Variants in BBS4 observed in about 807,000 individuals in gnomAD.
BBS4 encodes the protein Bardet-Biedl syndrome 4.
Under a neutral mutation model 71.4 loss-of-function variants are expected in BBS4, and 58 were observed. That is an observed-to-expected ratio of 0.81 (90% CI 0.66 to 1.01). The LOEUF (loss-of-function observed/expected upper bound fraction) is 1.01, where lower values mean the gene tolerates loss of function less well. BBS4 is among the 50% of genes least tolerant of loss of function. The pLI is 0.00. For missense variants in BBS4, 660 were observed against 607.9 expected (o/e 1.09, Z -0.90); for synonymous variants, 228 against 216.8 (o/e 1.05, Z -0.46).
At position 72,727,980 on chromosome 15, in the gene BBS4, T is replaced by A. The variant is rs779021590; in HGVS notation, c.628T>A (p.Leu210Ile). ...TACAGAGCTTCTTACAACTTTAGGATTACTCTACTTACAGGTAATGAAAAC... is the reference window on the plus strand; with the variant it reads ...TACAGAGCTTCTTACAACTTTAGGAATACTCTACTTACAGGTAATGAAAAC... The part of the protein sequence containing the change: ...ENTELLTTLG[L>I]LYLQLGIYQK... Residue 210 changes from leucine to isoleucine, a missense_variant, in exon 9 of 16, where the codon TTA becomes ATA. Coordinates refer to ENST00000268057, the MANE Select transcript of BBS4 (RefSeq NM_033028.5). 4 of 1,611,682 alleles carry A rather than the reference T, an allele frequency of 2.5e-6. No homozygotes were observed. Among genetic ancestry groups the A allele is most frequent in the Non-Finnish European group, 3.4e-6 (4 of 1,177,912 alleles).
At chr15:72,723,315 C>T (rs1351627858) in intron 7 of BBS4, among the ~76,000 whole-genome samples, 1 of 151,904 alleles carries the variant, frequency 6.6e-6, no homozygotes, top group Non-Finnish European at 1.5e-5. Context: ...AGTTATTTTC[C>T]ATGATGAGAA....
Position 72,738,160 on chromosome 15 carries a change from A to C in BBS4, c.*573A>C, listed in dbSNP as rs1333322676. The C allele has an allele frequency of 2.2e-6, 1 of 450,842 alleles. No homozygotes were observed. The highest frequency in any genetic ancestry group is 4.4e-6 in the Non-Finnish European group (1 of 225,674). 27.9% of individuals were successfully genotyped at this position (450,842 alleles called of 1,614,324 possible). A position where few individuals can be genotyped will look rare whatever the true frequency, so the allele number is the denominator to read the frequency against. ...CTGAGTATTGCAGCTGCATTTGCCC[A>C]AAGGGAATCCAGAACAAGTCCCTCC... is the stretch of plus-strand genomic sequence containing the variant. On this transcript the variant is annotated 3_prime_UTR_variant, in exon 16 of 16. Coordinates refer to ENST00000268057, the MANE Select transcript of BBS4 (RefSeq NM_033028.5).
intron 2 of BBS4, among the ~76,000 whole-genome samples, chr15:72,698,242 A>G (rs969298905): frequency 6.6e-6 from 1 of 152,186 alleles, no homozygotes; most frequent in African/African-American, 2.4e-5. Flanking sequence ...TTATTGTAAA[A>G]TATATATAAA....
intron 1 of BBS4, among the ~76,000 whole-genome samples, chr15:72,691,790 C>T (rs1395366938): frequency 6.6e-6 from 1 of 152,136 alleles, no homozygotes; most frequent in African/African-American, 2.4e-5. Context: ...TGGTGCAACT[C>T]CGTCTCTACT....
chr15:72,698,102 T>C (rs1162151180), intron 2 of BBS4: 1 of 454,168 alleles, frequency 2.2e-6, no homozygotes, highest in African/African-American at 2.0e-5. Context: ...TTGAAAACTT[T>C]ACCCATTTTG....
chr15:72,728,962 G>A (rs2065753643), intron 9 of BBS4, among the ~76,000 whole-genome samples: 1 of 152,130 alleles, frequency 6.6e-6, no homozygotes, highest in Admixed American at 6.5e-5. Flanking sequence ...GGCTTGGGAG[G>A]TTGGCTCCAC....
chr15:72,691,469 A>G (rs1003827697), intron 1 of BBS4, among the ~76,000 whole-genome samples: 7 of 152,054 alleles, frequency 4.6e-5, no homozygotes, highest in African/African-American at 1.7e-4. Flanking sequence ...CTTCAATTTT[A>G]TATTAATATT....
chr15:72,686,863 T>TTG (rs1387067202), intron 1 of BBS4: 4 of 320,662 alleles, frequency 1.2e-5, no homozygotes, highest in African/African-American at 8.6e-5. Flanking sequence ...GTGTGAAGCT[T>TTG]TGTTTACCTT....
At chr15:72,708,757 TGGA>T (rs1477977720) in intron 2 of BBS4, among the ~76,000 whole-genome samples, 2 of 152,186 alleles carry the variant, frequency 1.3e-5, no homozygotes, top group African/African-American at 4.8e-5. Context: ...ATGCATTCCT[TGGA>T]GGAGGTCTAT....
intron 6 of BBS4, among the ~76,000 whole-genome samples, chr15:72,718,230 A>G (rs2065502182): frequency 6.6e-6 from 1 of 151,980 alleles, no homozygotes; most frequent in African/African-American, 2.4e-5. Flanking sequence ...AGCTATTTGT[A>G]TTCTGTTATA....
chr15:72,725,258 A>G (rs2065650427), intron 8 of BBS4, among the ~76,000 whole-genome samples: 1 of 151,970 alleles, frequency 6.6e-6, no homozygotes, highest in South Asian at 2.1e-4. Context: ...TTGTGTTGAC[A>G]GGGTCTTGCT....
Position 72,738,142 on chromosome 15 carries a change from T to C in BBS4, c.*555T>C, listed in dbSNP as rs184825057. On this transcript the variant is annotated 3_prime_UTR_variant, in exon 16 of 16. Transcript: ENST00000268057. Reference sequence around the variant, plus strand: ...AAGTTGAGGCCAAGCCTGCTGAGTATTGCAGCTGCATTTGCCCAAAGGGAA... The same window carrying C: ...AAGTTGAGGCCAAGCCTGCTGAGTACTGCAGCTGCATTTGCCCAAAGGGAA... 82 of 451,628 alleles carry C rather than the reference T, an allele frequency of 1.8e-4. No individual in the cohort carries two copies. The highest frequency in any genetic ancestry group is 7.0e-4 in the Middle Eastern group (1 of 1,426). The allele number at this position is 451,628 out of a possible 1,614,324, so 28.0% of individuals were successfully genotyped here.
At chr15:72,693,214 TTTTG>T (rs2065018194) in intron 1 of BBS4, among the ~76,000 whole-genome samples, 3 of 152,192 alleles carry the variant, frequency 2.0e-5, no homozygotes, top group South Asian at 2.1e-4. Context: ...AAATTATGCT[TTTTG>T]TTTGTTTTAT....
chr15:72,736,757 A>C lies in BBS4; in HGVS notation c.1249-5A>C. Reference sequence around the variant, plus strand: ...TGATTCTTTTACTTCCTTTGTGGACACAAGATGGTGGAGATGGCTCAGAAG... The same window carrying C: ...TGATTCTTTTACTTCCTTTGTGGACCCAAGATGGTGGAGATGGCTCAGAAG... On this transcript the variant is annotated splice_polypyrimidine_tract_variant and splice_region_variant and intron_variant, in intron 14 of 15. Transcript: ENST00000268057. 6 of 1,614,176 alleles carry C rather than the reference A, an allele frequency of 3.7e-6. No homozygotes were observed. Among genetic ancestry groups the C allele is most frequent in the Non-Finnish European group, 5.1e-6 (6 of 1,179,996 alleles).
intron 5 of BBS4, 152 bp downstream of exon 5, chr15:72,715,554 A>G (rs2065454302): frequency 2.9e-6 from 2 of 680,926 alleles, no homozygotes; most frequent in Non-Finnish European, 2.7e-6. Context: ...TCTGAAGAGC[A>G]TGGATTAAGT....
At chr15:72,686,965 A>C in intron 1 of BBS4, 1 of 228,008 alleles carries the variant, frequency 4.4e-6, no homozygotes, top group South Asian at 5.5e-5. Context: ...AACGCCCTGG[A>C]AAACAGTACA....
Position 72,719,496 on chromosome 15 carries a change from T to G in BBS4, c.405+2646T>G, listed in dbSNP as rs985611841. On this transcript the variant is annotated intron_variant, in intron 6 of 15. Coordinates refer to ENST00000268057, the MANE Select transcript of BBS4 (RefSeq NM_033028.5). Reference sequence around the variant, plus strand: ...TCCTGTCCTCAAGTGATCCTCCTGCTTTAGCTTCCCAGAGTGCTGGGATTA... The same window carrying G: ...TCCTGTCCTCAAGTGATCCTCCTGCGTTAGCTTCCCAGAGTGCTGGGATTA... Among the ~76,000 whole-genome samples the G allele has an allele frequency of 2.0e-5, 3 of 151,994 alleles. 1 individual carries two copies. The South Asian group carries it at 6.2e-4, about 32-fold the overall frequency.
chr15:72,687,746 A>C (rs143950536), intron 1 of BBS4, among the ~76,000 whole-genome samples: 1 of 151,874 alleles, frequency 6.6e-6, no homozygotes. Context: ...TGGCCAACGT[A>C]GTGAAACCCT....
chr15:72,687,258 AC>A (rs2064873530), intron 1 of BBS4, among the ~76,000 whole-genome samples: 2 of 151,326 alleles, frequency 1.3e-5, no homozygotes, highest in Non-Finnish European at 2.9e-5. Context: ...AGCTGAGAAT[AC>A]AGGCGCCTGC....
Sources: gnomAD v4.1 joint callset for allele counts (sites outside exome capture counted in the v4.1 genomes callset) on GRCh38, gnomAD v4.1.1 for gene constraint, MANE v1.5 for transcripts, NCBI Gene and HGNC (gene_info 2026-07-23, HGNC 2026-07-21) for gene names.